POU6F2: variants seen among roughly 807,000 people sequenced by gnomAD.
POU6F2 encodes the protein POU domain, class 6, transcription factor 2.
Under a neutral mutation model 71.3 loss-of-function variants are expected in POU6F2, and 31 were observed. That is an observed-to-expected ratio of 0.43 (90% CI 0.33 to 0.59). The LOEUF (loss-of-function observed/expected upper bound fraction) is 0.59, where lower values mean the gene tolerates loss of function less well. Ranked by LOEUF, POU6F2 falls within the 20% of genes least tolerant of loss-of-function variation. POU6F2 has a pLI of 0.04. For missense variants in POU6F2, 783 were observed against 856.8 expected, an observed-to-expected ratio of 0.91 and a Z score of 1.07; for synonymous variants, 347 against 355.7, an observed-to-expected ratio of 0.98 and a Z score of 0.27.
intron 1 of POU6F2, among the ~76,000 whole-genome samples, chr7:39,053,074 T>C (rs1335586325): frequency 6.6e-6 from 1 of 152,108 alleles, no homozygotes; most frequent in East Asian, 1.9e-4. Flanking sequence ...ATTGAAGAAG[T>C]AGAATACATT....
intron 4 of POU6F2, among the ~76,000 whole-genome samples, chr7:39,266,203 T>A (rs1411336013): frequency 6.6e-6 from 1 of 152,166 alleles, no homozygotes; most frequent in South Asian, 2.1e-4. Flanking sequence ...AGGAGATTTT[T>A]AAAAAGTTTT....
At chr7:39,327,629 A>G (rs1173383316) in intron 4 of POU6F2, among the ~76,000 whole-genome samples, 1 of 151,990 alleles carries the variant, frequency 6.6e-6, no homozygotes, top group Non-Finnish European at 1.5e-5. Context: ...TGTTTATTTT[A>G]TATTGAAAAT....
At chr7:39,015,591 T>C (rs1455750110) in intron 1 of POU6F2, among the ~76,000 whole-genome samples, 3 of 100,794 alleles carry the variant, frequency 3.0e-5, no homozygotes, top group African/African-American at 1.2e-4. Flanking sequence ...ATGTTTTATA[T>C]AGATATATCT....
At chr7:39,388,325 C>CT (rs11377112) in intron 5 of POU6F2, among the ~76,000 whole-genome samples, 56,374 of 151,720 alleles carry the variant, frequency 0.37, 11,088 homozygotes, top group East Asian at 0.63. Flanking sequence ...GATTTTCTTT[C>CT]TTTTTTTTGA....
intron 1 of POU6F2, among the ~76,000 whole-genome samples, chr7:39,022,562 C>T (rs925040718): frequency 6.6e-6 from 1 of 152,058 alleles, no homozygotes; most frequent in African/African-American, 2.4e-5. Context: ...TAAATTTTGT[C>T]ATCATAATTT....
At chr7:39,268,976 A>G (rs1433682078) in intron 4 of POU6F2, among the ~76,000 whole-genome samples, 2 of 152,190 alleles carry the variant, frequency 1.3e-5, no homozygotes, top group Non-Finnish European at 2.9e-5. Context: ...CTCTGTTTAT[A>G]AGTACAAAAA....
chr7:39,439,576 T>G (rs113742845), intron 7 of POU6F2, among the ~76,000 whole-genome samples: 51,250 of 152,102 alleles, frequency 0.34, 9,650 homozygotes, highest in East Asian at 0.58. Flanking sequence ...TGCAACCTCT[T>G]CCTCCTGGGT....
Position 39,460,945 on chromosome 7 carries a change from G to T in POU6F2, c.1658+230G>T, listed in dbSNP as rs899336175. Among the ~76,000 whole-genome samples, 1 of 152,180 alleles carries T rather than the reference G, an allele frequency of 6.6e-6. No homozygotes were observed. The highest frequency in any genetic ancestry group is 2.4e-5 in the African/African-American group (1 of 41,454). On this transcript the variant is annotated intron_variant, in intron 9 of 9. Transcript: ENST00000518318. The surrounding 1 kb of genome is among the most constrained non-coding windows in gnomAD (Gnocchi z 4.4). The stretch of plus-strand genomic sequence containing the variant: ...CTGTCAACTCACAAAGAACTTCCAA[G>T]GCAGTCTCATTGGAAATACACTACC...
rs556331141 is a variant in POU6F2 at position 39,098,724 on chromosome 7, G to A, written c.277+12693G>A. ...TTCCCCATCTCTGCATGGAGGTATT[G>A]CTGGTACGCCACAGGGCAATCTTGA... On this transcript the variant is annotated intron_variant, in intron 2 of 9. Coordinates refer to ENST00000518318, the MANE Select transcript of POU6F2 (RefSeq NM_001370959.1). Among the ~76,000 whole-genome samples, 4 of 152,330 alleles carry A rather than the reference G, an allele frequency of 2.6e-5. No individual in the cohort carries two copies. In the South Asian group the frequency reaches 8.3e-4, roughly 32 times the overall value.
At chr7:39,261,359 G>T (rs1241785308) in intron 4 of POU6F2, among the ~76,000 whole-genome samples, 1 of 152,162 alleles carries the variant, frequency 6.6e-6, no homozygotes, top group Non-Finnish European at 1.5e-5. Context: ...ATTAAAGTAG[G>T]TCATTCCAGT....
intron 1 of POU6F2, among the ~76,000 whole-genome samples, chr7:39,074,807 G>A (rs867355149): frequency 6.6e-6 from 1 of 152,132 alleles, no homozygotes; most frequent in African/African-American, 2.4e-5. Flanking sequence ...CGGAAGGGTC[G>A]CGGACAGCAG....
At chr7:39,412,778 C>CTTTTCTT (rs1787578114) in intron 6 of POU6F2, among the ~76,000 whole-genome samples, 1 of 23,168 alleles carries the variant, frequency 4.3e-5, no homozygotes, top group Non-Finnish European at 1.1e-4. Context: ...GTTTTCTTGC[C>CTTTTCTT]TTTTTTTTTT....
intron 4 of POU6F2, among the ~76,000 whole-genome samples, chr7:39,286,747 A>ATCATCATCATTG (rs1784657488): frequency 6.6e-6 from 1 of 152,086 alleles, no homozygotes; most frequent in Non-Finnish European, 1.5e-5. Flanking sequence ...GTTAAAAGGT[A>ATCATCATCATTG]TCATCATCAT....
intron 2 of POU6F2, among the ~76,000 whole-genome samples, chr7:39,199,461 C>T (rs1317339000): frequency 6.6e-6 from 1 of 150,720 alleles, no homozygotes; most frequent in Non-Finnish European, 1.5e-5. Flanking sequence ...GACTGGTTTC[C>T]CTTGGTGAAT....
intron 1 of POU6F2, among the ~76,000 whole-genome samples, chr7:39,083,371 G>A (rs1318920527): frequency 6.6e-6 from 1 of 152,178 alleles, no homozygotes. Context: ...AGATTAGAGA[G>A]ACTGAGGATT....
chr7:39,090,620 G>A (rs894654355), intron 2 of POU6F2, among the ~76,000 whole-genome samples: 1 of 152,014 alleles, frequency 6.6e-6, no homozygotes. Context: ...AACCCAAGAG[G>A]GATTTAGCTT....
chr7:39,187,982 A>T (rs1244015501), intron 2 of POU6F2, among the ~76,000 whole-genome samples: 1 of 152,198 alleles, frequency 6.6e-6, no homozygotes, highest in African/African-American at 2.4e-5. Context: ...GGCCACAGTG[A>T]TTTCTTCAAT....
chr7:39,125,744 TA>T (rs11305567), intron 2 of POU6F2, among the ~76,000 whole-genome samples: 32,331 of 151,624 alleles, frequency 0.21, 3,588 homozygotes, highest in South Asian at 0.35. Flanking sequence ...ATACATTTGT[TA>T]AAAAAAAATA....
chr7:39,335,880 T>G (rs991260538), intron 4 of POU6F2, among the ~76,000 whole-genome samples: 5 of 152,206 alleles, frequency 3.3e-5, no homozygotes, highest in Non-Finnish European at 5.9e-5. Flanking sequence ...CGCCCTGCCC[T>G]GCCAATCCTG....
Sources: gnomAD v4.1 joint callset for allele counts (sites outside exome capture counted in the v4.1 genomes callset) on GRCh38, gnomAD v4.1.1 for gene constraint, Gnocchi (gnomAD v3.1) non-coding constraint, MANE v1.5 for transcripts, NCBI Gene and HGNC (gene_info 2026-07-23, HGNC 2026-07-21) for gene names.